Variants in GPR39 observed in about 807,000 individuals in gnomAD.
The protein encoded by GPR39 is zinc sensing receptor.
A neutral mutation model predicts 18.4 loss-of-function variants in GPR39; 23 were observed. That is an observed-to-expected ratio of 1.25 (90% CI 0.90 to 1.77). GPR39 has a LOEUF of 1.77. GPR39 is among the 40% of genes most tolerant of loss of function. The pLI is 0.00. For missense variants in GPR39, 647 were observed against 602.4 expected (o/e 1.07, Z -0.78); for synonymous variants, 280 against 257.9 (o/e 1.09, Z -0.82).
chr2:132,563,531 G>T (rs1680292053), intron 1 of GPR39, among the ~76,000 whole-genome samples: 1 of 152,136 alleles, frequency 6.6e-6, no homozygotes, highest in African/African-American at 2.4e-5. Flanking sequence ...GAGCATGTGA[G>T]ATGGCTCATG....
At chr2:132,623,261 G>A (rs983546218) in intron 1 of GPR39, among the ~76,000 whole-genome samples, 2 of 152,178 alleles carry the variant, frequency 1.3e-5, no homozygotes, top group African/African-American at 4.8e-5. Context: ...TGGGATGGAC[G>A]AGGGAAGCCC....
intron 1 of GPR39, among the ~76,000 whole-genome samples, chr2:132,499,619 G>T (rs1220306583): frequency 6.6e-6 from 1 of 151,880 alleles, no homozygotes; most frequent in Non-Finnish European, 1.5e-5. Context: ...GTGGTATTTT[G>T]ATAAGAATTG....
rs2315384 is a variant in GPR39, at chr2:132,424,076, A to T, written c.856+6178A>T. ...GTCAAACCAACATGCAAAACATTTA[A>T]GATTTGCTTGCCCCTGAGCAAATGA... On this transcript the variant is annotated intron_variant, in intron 1 of 1. Coordinates refer to ENST00000329321, the MANE Select transcript of GPR39 (RefSeq NM_001508.3). Among the ~76,000 whole-genome samples, 7 of 152,158 alleles carry T rather than the reference A, an allele frequency of 4.6e-5. No homozygotes were observed. In the East Asian group the frequency reaches 7.7e-4, roughly 17 times the overall value.
At chr2:132,552,596 T>C (rs1247687522) in intron 1 of GPR39, among the ~76,000 whole-genome samples, 1 of 152,084 alleles carries the variant, frequency 6.6e-6, no homozygotes, top group East Asian at 1.9e-4. Flanking sequence ...CATAATAATC[T>C]AGAGATTATT....
At chr2:132,543,563 C>A (rs1442056070) in intron 1 of GPR39, among the ~76,000 whole-genome samples, 1 of 152,148 alleles carries the variant, frequency 6.6e-6, no homozygotes, top group Non-Finnish European at 1.5e-5. Flanking sequence ...CACTTTAACC[C>A]TTAGGTCACC....
chr2:132,496,069 C>T lies in GPR39; in HGVS notation c.856+78171C>T, dbSNP rs542073622. 4.5e-4 allele frequency among the ~76,000 whole-genome samples: 69 copies of T among 152,198 alleles called. 1 individual carries two copies. The highest frequency in any genetic ancestry group is 7.9e-4 in the Admixed American group (12 of 15,278). On this transcript the variant is annotated intron_variant, in intron 1 of 1. Coordinates refer to ENST00000329321, the MANE Select transcript of GPR39 (RefSeq NM_001508.3). Reference sequence around the variant, plus strand: ...ATTTTCACCCCTGCCAGAAAACAGCCGCTGGGAAGGTTTGGGAAACCAGTC... The same window carrying T: ...ATTTTCACCCCTGCCAGAAAACAGCTGCTGGGAAGGTTTGGGAAACCAGTC...
chr2:132,646,046 C>T lies in GPR39; in HGVS notation c.*440C>T. The stretch of plus-strand genomic sequence containing the variant: ...GAGGGGGTGGCATCTCCTTCAGCTT[C>T]AGCAGTGTGCCGAGAAGAGGGCTAA... On this transcript the variant is annotated 3_prime_UTR_variant, in exon 2 of 2. Coordinates refer to ENST00000329321, the MANE Select transcript of GPR39 (RefSeq NM_001508.3). 6.4e-7 allele frequency: 1 copy of T among 1,554,564 alleles called. No homozygotes were observed. The highest frequency in any genetic ancestry group is 8.7e-7 in the Non-Finnish European group (1 of 1,147,360).
chr2:132,564,904 C>T (rs541444754), intron 1 of GPR39, among the ~76,000 whole-genome samples: 131 of 144,862 alleles, frequency 9.0e-4, no homozygotes, highest in African/African-American at 3.1e-3. Flanking sequence ...ACAACCTCCA[C>T]CTCCCAGGCT....
intron 1 of GPR39, among the ~76,000 whole-genome samples, chr2:132,422,651 T>G (rs1406359464): frequency 6.6e-6 from 1 of 152,074 alleles, no homozygotes; most frequent in Non-Finnish European, 1.5e-5. Context: ...TTATTTTGAC[T>G]CCAATGTTTC....
intron 1 of GPR39, among the ~76,000 whole-genome samples, chr2:132,611,506 A>G (rs1681239606): frequency 6.6e-6 from 1 of 152,222 alleles, no homozygotes; most frequent in Non-Finnish European, 1.5e-5. Context: ...GGAAGATACT[A>G]AACTATTTGC....
chr2:132,496,969 G>A (rs756095571), intron 1 of GPR39, among the ~76,000 whole-genome samples: 5 of 152,186 alleles, frequency 3.3e-5, no homozygotes, highest in Non-Finnish European at 7.3e-5. Flanking sequence ...TATCCACTTG[G>A]TTTCCCAATT....
At chr2:132,533,165 A>G (rs1051196170) in intron 1 of GPR39, among the ~76,000 whole-genome samples, 5 of 152,202 alleles carry the variant, frequency 3.3e-5, no homozygotes, top group Non-Finnish European at 5.9e-5. Context: ...CGCAAAATCA[A>G]TGTGCAAAAA....
At chr2:132,585,948 G>GTTTTTTTTTTT (rs397985921) in intron 1 of GPR39, among the ~76,000 whole-genome samples, 3 of 62,974 alleles carry the variant, frequency 4.8e-5, no homozygotes, top group African/African-American at 7.3e-5. Context: ...AGCATCCCCG[G>GTTTTTTTTTTT]TTTTTTTTTT....
Position 132,597,912 on chromosome 2 carries a change from A to G in GPR39, c.857-47189A>G, listed in dbSNP as rs145222826. 9.2e-3 allele frequency among the ~76,000 whole-genome samples: 1,395 copies of G among 152,298 alleles called. 7 individuals are homozygous for G. Among genetic ancestry groups the G allele is most frequent in the Middle Eastern group, 0.017 (5 of 294 alleles). Reference sequence around the variant, plus strand: ...ACAGGGTCTCCTGATCCCATACCCAAAGTCTAGTACCCATGCATAGTGATC... The same window carrying G: ...ACAGGGTCTCCTGATCCCATACCCAGAGTCTAGTACCCATGCATAGTGATC... On this transcript the variant is annotated intron_variant, in intron 1 of 1. Coordinates refer to ENST00000329321, the MANE Select transcript of GPR39 (RefSeq NM_001508.3).
At chr2:132,615,600 C>T (rs1681320277) in intron 1 of GPR39, among the ~76,000 whole-genome samples, 2 of 152,170 alleles carry the variant, frequency 1.3e-5, no homozygotes, top group African/African-American at 4.8e-5. Context: ...CTCTTAAATG[C>T]CAGCTACTGC....
At chr2:132,485,976 T>C (rs1681330182) in intron 1 of GPR39, among the ~76,000 whole-genome samples, 1 of 152,228 alleles carries the variant, frequency 6.6e-6, no homozygotes, top group Admixed American at 6.5e-5. Flanking sequence ...TTATGAGAAG[T>C]ATTTCTTAAA....
At chr2:132,469,715 C>T (rs1302581203) in intron 1 of GPR39, among the ~76,000 whole-genome samples, 1 of 152,170 alleles carries the variant, frequency 6.6e-6, no homozygotes, top group Non-Finnish European at 1.5e-5. Flanking sequence ...CAGTGGCTGG[C>T]TCTGCCTTTG....
At chr2:132,447,198 A>G (rs1680552050) in intron 1 of GPR39, among the ~76,000 whole-genome samples, 1 of 151,604 alleles carries the variant, frequency 6.6e-6, no homozygotes, top group African/African-American at 2.4e-5. Context: ...ATTTACTAAC[A>G]CCTCCTAAGT....
chr2:132,529,943 C>T (rs28767209), intron 1 of GPR39, among the ~76,000 whole-genome samples: 26,500 of 152,016 alleles, frequency 0.17, 2,821 homozygotes, highest in African/African-American at 0.29. Flanking sequence ...AAAATCAGAG[C>T]GCCTCTCCTC....
Sources: gnomAD v4.1 joint callset for allele counts (sites outside exome capture counted in the v4.1 genomes callset) on GRCh38, gnomAD v4.1.1 for gene constraint, MANE v1.5 for transcripts, NCBI Gene and HGNC (gene_info 2026-07-23, HGNC 2026-07-21) for gene names.